The following CADM1 variants were observed in gnomAD, a reference collection of about 807,000 sequenced individuals.
The protein encoded by CADM1 is cell adhesion molecule 1.
In CADM1, 15 loss-of-function variants were observed where a neutral mutation model predicts 53.1. The ratio of observed to expected loss-of-function variants is 0.28; its 90% CI spans 0.19 to 0.44. The LOEUF (loss-of-function observed/expected upper bound fraction) is 0.44. Ranked by LOEUF, CADM1 falls within the 20% of genes least tolerant of loss-of-function variation. CADM1 has a pLI of 1.00. For missense variants in CADM1, 434 were observed against 611.3 expected (o/e 0.71, Z 3.06); for synonymous variants, 281 against 243.0 (o/e 1.16, Z -1.45).
intron 1 of CADM1, among the ~76,000 whole-genome samples, chr11:115,318,034 C>A (rs1228622499): frequency 6.6e-6 from 1 of 151,240 alleles, no homozygotes; most frequent in Non-Finnish European, 1.5e-5. Context: ...TAAAGCTAAC[C>A]TTCCCTACTT....
Position 115,236,436 on chromosome 11 carries a change from AT to A in CADM1, c.424+2063del, listed in dbSNP as rs567794083. On this transcript the variant is annotated intron_variant, in intron 3 of 11. Coordinates refer to ENST00000331581, the MANE Select transcript of CADM1 (RefSeq NM_001301043.2). ...AATGAATAATATCTACAGAAAGAAT[AT>A]CTACTACTTTTTATACTTGAAAGTG... 5.3e-5 allele frequency among the ~76,000 whole-genome samples: 8 copies of A among 152,324 alleles called. No homozygotes were observed. In the East Asian group the frequency reaches 1.5e-3, roughly 29 times the overall value.
intron 1 of CADM1, among the ~76,000 whole-genome samples, chr11:115,384,039 T>G (rs1946640859): frequency 6.6e-6 from 1 of 152,168 alleles, no homozygotes; most frequent in African/African-American, 2.4e-5. Flanking sequence ...CAGACCAACG[T>G]GATGAGCACT....
chr11:115,381,231 T>C (rs1410199307), intron 1 of CADM1, among the ~76,000 whole-genome samples: 4 of 151,108 alleles, frequency 2.6e-5, no homozygotes, highest in African/African-American at 9.7e-5. Flanking sequence ...GGGGTGGAGG[T>C]TGCAGTGAGC....
intron 9 of CADM1, among the ~76,000 whole-genome samples, 172 bp downstream of exon 9, chr11:115,198,234 C>T (rs1271683202): frequency 6.6e-6 from 1 of 152,170 alleles, no homozygotes; most frequent in Non-Finnish European, 1.5e-5. Context: ...GAACTCACAA[C>T]AGAAATGACA....
In CADM1 at chr11:115,216,441, G is replaced by A. The variant is rs142044856; in HGVS notation, c.821+1451C>T. Among the ~76,000 whole-genome samples, 31 of 152,322 alleles carry A rather than the reference G, an allele frequency of 2.0e-4. No individual in the cohort carries two copies. In the East Asian group the frequency reaches 5.6e-3, roughly 28 times the overall value. On this transcript the variant is annotated intron_variant, in intron 6 of 11. Coordinates refer to ENST00000331581, the MANE Select transcript of CADM1 (RefSeq NM_001301043.2). ...AACTGTGGTTAATGTGGCCGAGCAC[G>A]GGTATTGCAAGCGGCAAGAGGCCTC...
chr11:115,185,775 T>C (rs1207731708), intron 10 of CADM1, among the ~76,000 whole-genome samples: 1 of 152,238 alleles, frequency 6.6e-6, no homozygotes, highest in South Asian at 2.1e-4. Flanking sequence ...AGAGTTTCCC[T>C]TAAAGGAATA....
intron 1 of CADM1, among the ~76,000 whole-genome samples, chr11:115,485,834 A>T (rs912711245): frequency 3.9e-5 from 6 of 152,218 alleles, no homozygotes; most frequent in Admixed American, 2.6e-4. Context: ...CTGTATCTGC[A>T]GCGCTGCTCT....
chr11:115,306,013 G>T (rs1944358754), intron 1 of CADM1, among the ~76,000 whole-genome samples: 1 of 144,790 alleles, frequency 6.9e-6, no homozygotes, highest in East Asian at 2.0e-4. Context: ...ACCACTTTCA[G>T]CAATAAGCAT....
chr11:115,215,768 T>C (rs530985576), intron 6 of CADM1, among the ~76,000 whole-genome samples: 2 of 152,282 alleles, frequency 1.3e-5, no homozygotes, highest in Admixed American at 6.5e-5. Context: ...ACATTTAGAA[T>C]TGTGCCTGAA....
chr11:115,411,985 T>TAA (rs1159659702), intron 1 of CADM1, among the ~76,000 whole-genome samples: 2 of 152,094 alleles, frequency 1.3e-5, no homozygotes, highest in Non-Finnish European at 2.9e-5. Flanking sequence ...AAACCACTAA[T>TAA]AACAGACTTC....
At chr11:115,212,403 A>C (rs1414622142) in intron 7 of CADM1, among the ~76,000 whole-genome samples, 1 of 152,210 alleles carries the variant, frequency 6.6e-6, no homozygotes, top group African/African-American at 2.4e-5. Flanking sequence ...TTAGGCTAAT[A>C]TTCTAATCTG....
chr11:115,366,268 C>T (rs1467164637), intron 1 of CADM1, among the ~76,000 whole-genome samples: 1 of 152,200 alleles, frequency 6.6e-6, no homozygotes, highest in Non-Finnish European at 1.5e-5. Flanking sequence ...TTGCCTGTCT[C>T]AGTGCCTCCT....
In CADM1 at chr11:115,174,571, T is replaced by C; in HGVS notation, c.*1903A>G. 1 of 985,210 alleles carries C rather than the reference T, an allele frequency of 1.0e-6. No homozygotes were observed. Among genetic ancestry groups the C allele is most frequent in the Non-Finnish European group, 1.2e-6 (1 of 829,438 alleles). The allele number at this position is 985,210 out of a possible 1,614,324, so 61.0% of individuals were successfully genotyped here. A position where few individuals can be genotyped will look rare whatever the true frequency, so the allele number is the denominator to read the frequency against. On this transcript the variant is annotated 3_prime_UTR_variant, in exon 12 of 12. Coordinates refer to ENST00000331581, the MANE Select transcript of CADM1 (RefSeq NM_001301043.2). ...CCAAAAGGCCCCCATATTGCAATGG[T>C]TCTATCAAAGGTTAAAATAAAGACA... is the stretch of plus-strand genomic sequence containing the variant.
chr11:115,354,964 G>T (rs541655559), intron 1 of CADM1, among the ~76,000 whole-genome samples: 1 of 152,238 alleles, frequency 6.6e-6, no homozygotes, highest in South Asian at 2.1e-4. Flanking sequence ...CCAGTTAAAA[G>T]AAATCCTGCC....
At chr11:115,294,449 G>T (rs777320629) in intron 1 of CADM1, among the ~76,000 whole-genome samples, 2 of 152,006 alleles carry the variant, frequency 1.3e-5, no homozygotes, top group Non-Finnish European at 2.9e-5. Context: ...CTCATCTACC[G>T]CCATCTCTTC....
At chr11:115,276,945 A>G (rs1361529900) in intron 1 of CADM1, among the ~76,000 whole-genome samples, 1 of 152,184 alleles carries the variant, frequency 6.6e-6, no homozygotes, top group African/African-American at 2.4e-5. Flanking sequence ...AAGCGGAAAA[A>G]GAAAAGTCGA....
chr11:115,177,570 CCT>C (rs1054009994), intron 11 of CADM1, among the ~76,000 whole-genome samples: 3 of 152,072 alleles, frequency 2.0e-5, no homozygotes, highest in Non-Finnish European at 4.4e-5. Flanking sequence ...TTCTCAGTAT[CCT>C]TTTTTCTTGC....
chr11:115,244,454 G>A (rs1942343255), intron 1 of CADM1, among the ~76,000 whole-genome samples: 1 of 152,204 alleles, frequency 6.6e-6, no homozygotes, highest in Non-Finnish European at 1.5e-5. Flanking sequence ...AATGAGACAT[G>A]AGGAAGGGAA....
rs137955955 is a variant in CADM1 at position 115,344,662 on chromosome 11, C to G, written c.125-104242G>C. ...GTCAGGGTGTGAGATGAGGCCCATC[C>G]CTCATCCTGATCTATATATTTTTGC... On this transcript the variant is annotated intron_variant, in intron 1 of 11. Transcript: ENST00000331581. Among the ~76,000 whole-genome samples the G allele has an allele frequency of 2.0e-3, 306 of 152,194 alleles. 1 individual carries two copies. Among genetic ancestry groups the G allele is most frequent in the African/African-American group, 7.1e-3 (293 of 41,526 alleles).
Sources: allele counts gnomAD v4.1 joint callset (sites outside exome capture counted in the v4.1 genomes callset), GRCh38; gene constraint gnomAD v4.1.1; transcripts MANE v1.5; gene names NCBI Gene and HGNC (gene_info 2026-07-23, HGNC 2026-07-21).